The following RAPGEF2 variants were observed in gnomAD, a reference collection of about 807,000 sequenced individuals.
RAPGEF2 encodes the protein PDZ domain containing guanine nucleotide exchange factor (GEF) 1.
A neutral mutation model predicts 186.7 loss-of-function variants in RAPGEF2; 54 were observed. That is an observed-to-expected ratio of 0.29 (90% CI 0.23 to 0.36). The LOEUF is 0.36. Ranked by LOEUF, RAPGEF2 falls within the 10% of genes least tolerant of loss-of-function variation. The pLI, the probability that RAPGEF2 is intolerant of heterozygous loss-of-function variation, is 1.00. For synonymous variants in RAPGEF2, 712 were observed against 705.9 expected (o/e 1.01, Z -0.14); for missense variants, 1,532 against 2,045.0 (o/e 0.75, Z 4.84).
chr4:159,152,929 T>TA (rs1743719109), intron 1 of RAPGEF2, among the ~76,000 whole-genome samples: 1 of 152,244 alleles, frequency 6.6e-6, no homozygotes, highest in East Asian at 1.9e-4. Context: ...GTGTTATATA[T>TA]TTTAAAAGTG....
At chr4:159,197,366 C>T (rs547715056) in intron 3 of RAPGEF2, among the ~76,000 whole-genome samples, 23 of 152,246 alleles carry the variant, frequency 1.5e-4, no homozygotes, top group African/African-American at 5.3e-4. Flanking sequence ...TATATAATTA[C>T]ATTTAACGTG....
In RAPGEF2 at chr4:159,339,488, T is replaced by C. The variant is rs13103795; in HGVS notation, c.2534+134T>C. ...GCGATTAAAAAGTATTGTTGTTGTT[T>C]TTTTTTTCCTTTCACCAAGAATTAC... On this transcript the variant is annotated intron_variant, in intron 19 of 29. Coordinates refer to ENST00000691494, the MANE Select transcript of RAPGEF2 (RefSeq NM_001394067.2). The C allele has an allele frequency of 5.0e-6, 6 of 1,193,990 alleles. No homozygotes were observed. The South Asian group carries it at 7.7e-5, about 15-fold the overall frequency. The allele number at this position is 1,193,990 out of a possible 1,614,324, so 74.0% of individuals were successfully genotyped here. A position where few individuals can be genotyped will look rare whatever the true frequency, so the allele number is the denominator to read the frequency against.
At chr4:159,283,746 TC>T (rs1760050259) in intron 7 of RAPGEF2, among the ~76,000 whole-genome samples, 1 of 152,100 alleles carries the variant, frequency 6.6e-6, no homozygotes, top group African/African-American at 2.4e-5. Context: ...AAAGAGGAAA[TC>T]CTAAAGCCAG....
chr4:159,273,626 G>GTTTCTTTCTTTCTTTC (rs57811225), intron 7 of RAPGEF2, among the ~76,000 whole-genome samples: 4 of 100,738 alleles, frequency 4.0e-5, no homozygotes, highest in Non-Finnish European at 6.2e-5. Flanking sequence ...TCAGTAATCA[G>GTTTCTTTCTTTCTTTC]TTTCTTTCTT....
chr4:159,181,851 A>G (rs1202242696), intron 1 of RAPGEF2, among the ~76,000 whole-genome samples: 1 of 152,156 alleles, frequency 6.6e-6, no homozygotes, highest in African/African-American at 2.4e-5. Context: ...GAATACAGTC[A>G]TTCTGTACTA....
At chr4:159,191,927 T>C (rs1021811600) in intron 2 of RAPGEF2, among the ~76,000 whole-genome samples, 4 of 152,006 alleles carry the variant, frequency 2.6e-5, no homozygotes, top group African/African-American at 9.7e-5. Context: ...GAGAGGAACA[T>C]GGAGAAGGAG....
intron 7 of RAPGEF2, among the ~76,000 whole-genome samples, chr4:159,267,565 G>GA (rs1296197499): frequency 6.6e-6 from 1 of 152,144 alleles, no homozygotes; most frequent in Non-Finnish European, 1.5e-5. Flanking sequence ...AGCAGCTAGG[G>GA]AGGAGTTCCC....
chr4:159,175,950 G>A (rs777683827), intron 1 of RAPGEF2, among the ~76,000 whole-genome samples: 14 of 152,182 alleles, frequency 9.2e-5, no homozygotes, highest in Non-Finnish European at 1.9e-4. Context: ...AAGAGAAGAC[G>A]AGTGTCTTTG....
chr4:159,251,462 C>G (rs1755380487), intron 7 of RAPGEF2, among the ~76,000 whole-genome samples: 1 of 152,194 alleles, frequency 6.6e-6, no homozygotes, highest in Admixed American at 6.5e-5. Flanking sequence ...CACTCTGTGT[C>G]TAGCTCAGGG....
chr4:159,168,236 G>T (rs1745535615), intron 1 of RAPGEF2, among the ~76,000 whole-genome samples: 1 of 152,156 alleles, frequency 6.6e-6, no homozygotes. Flanking sequence ...CCAGGCTTAA[G>T]TCTGGGTGAG....
chr4:159,262,853 C>T (rs1188270134), intron 7 of RAPGEF2, among the ~76,000 whole-genome samples: 1 of 151,860 alleles, frequency 6.6e-6, no homozygotes, highest in Non-Finnish European at 1.5e-5. Flanking sequence ...TTCCTTGGAA[C>T]GTATCTGTGG....
At chr4:159,273,211 AG>A (rs1758337314) in intron 7 of RAPGEF2, among the ~76,000 whole-genome samples, 1 of 152,224 alleles carries the variant, frequency 6.6e-6, no homozygotes, top group Non-Finnish European at 1.5e-5. Context: ...TTGCTAGCAG[AG>A]GGGACTGAGA....
intron 1 of RAPGEF2, among the ~76,000 whole-genome samples, chr4:159,128,634 T>C (rs190684896): frequency 7.2e-5 from 11 of 151,856 alleles, no homozygotes; most frequent in Admixed American, 3.3e-4. Context: ...TTAATACTTA[T>C]ATGGATTATT....
intron 7 of RAPGEF2, among the ~76,000 whole-genome samples, chr4:159,279,975 G>A (rs1759471516): frequency 1.3e-5 from 2 of 152,134 alleles, no homozygotes; most frequent in South Asian, 4.1e-4. Flanking sequence ...GTGAGCCACT[G>A]TGCCCGGCCT....
At chr4:159,254,622 T>TTA (rs1554018992) in intron 7 of RAPGEF2, among the ~76,000 whole-genome samples, 1 of 149,324 alleles carries the variant, frequency 6.7e-6, no homozygotes. Flanking sequence ...TTTTTTTTTT[T>TTA]AAATGAGACA....
chr4:159,346,639 C>T (rs1730347905), intron 24 of RAPGEF2, 150 bp from the exon 25 acceptor site: 1 of 665,020 alleles, frequency 1.5e-6, no homozygotes. Flanking sequence ...CATCCATTTT[C>T]TGTGCTTCAT....
At chr4:159,277,434 T>G (rs1376395948) in intron 7 of RAPGEF2, among the ~76,000 whole-genome samples, 1 of 152,254 alleles carries the variant, frequency 6.6e-6, no homozygotes, top group African/African-American at 2.4e-5. Flanking sequence ...CCTTTGGGTA[T>G]ATACCCAGTA....
intron 1 of RAPGEF2, among the ~76,000 whole-genome samples, chr4:159,130,267 T>C (rs1740881671): frequency 6.6e-6 from 1 of 152,190 alleles, no homozygotes; most frequent in African/African-American, 2.4e-5. Flanking sequence ...TGACCTCTTA[T>C]CTCATCCTGT....
At chr4:159,148,491 A>T (rs765174009) in intron 1 of RAPGEF2, among the ~76,000 whole-genome samples, 25 of 152,214 alleles carry the variant, frequency 1.6e-4, no homozygotes, top group Non-Finnish European at 3.1e-4. Context: ...GTTGAATATA[A>T]TGTTTCCAAT....
Sources: allele counts gnomAD v4.1 joint callset (sites outside exome capture counted in the v4.1 genomes callset), GRCh38; gene constraint gnomAD v4.1.1; transcripts MANE v1.5; gene names NCBI Gene and HGNC (gene_info 2026-07-23, HGNC 2026-07-21).